F9: variants seen among roughly 807,000 people sequenced by gnomAD.
The protein encoded by F9 is Christmas factor.
In F9, 2 loss-of-function variants were observed where a neutral mutation model predicts 34.1. The observed-to-expected ratio is 0.06, with a 90% CI of 0.02 to 0.18. The LOEUF (loss-of-function observed/expected upper bound fraction) is 0.18. Among genes scored for constraint, F9 ranks in the 10% least tolerant of loss-of-function variants. F9 has a pLI of 1.00. For synonymous variants in F9, 137 were observed against 118.8 expected, an observed-to-expected ratio of 1.15 and a Z score of -1.00; for missense variants, 216 against 345.1, an observed-to-expected ratio of 0.63 and a Z score of 2.96.
chrX:139,561,948 G>A lies in F9; in HGVS notation c.1263G>A (p.Gly421=), dbSNP rs749470340. 2.5e-6 allele frequency: 3 copies of A among 1,211,556 alleles called. No homozygotes were observed. The highest frequency in any genetic ancestry group is 3.5e-5 in the African/African-American group (2 of 57,865). Residue 421 remains glycine, a synonymous_variant, in exon 8 of 8, where the codon GGG becomes GGA. Transcript: ENST00000218099. ...SGGPHVTEVE[G]TSFLTGIISW... ...GACCCCATGTTACTGAAGTGGAAGG[G>A]ACCAGTTTCTTAACTGGAATTATTA...
rs369415275 is a variant in F9 at position 139,536,263 on chromosome X, G to GTA, written c.89-737_89-736dup. 7.1e-3 allele frequency among the ~76,000 whole-genome samples: 465 copies of GTA among 65,165 alleles called. 4 individuals carry two copies. The highest frequency in any genetic ancestry group is 0.023 in the African/African-American group (439 of 19,308). 56.6% of individuals were successfully genotyped at this position (65,165 alleles called of 115,157 possible). A position where few individuals can be genotyped will look rare whatever the true frequency, so the allele number is the denominator to read the frequency against. ...TGTATATATATGTACACACATATAT[G>GTA]TATATATATATGTACACACACACAC... On this transcript the variant is annotated intron_variant, in intron 1 of 7. Coordinates refer to ENST00000218099, the MANE Select transcript of F9 (RefSeq NM_000133.4).
chrX:139,561,835 C>CT lies in F9; in HGVS notation c.1150_1151insT (p.Arg384LeufsTer9). The CT allele has an allele frequency of 8.3e-7, 1 of 1,211,605 alleles. No individual in the cohort carries two copies. Among genetic ancestry groups the CT allele is most frequent in the Non-Finnish European group, 1.1e-6 (1 of 895,498 alleles). On this transcript the variant is annotated frameshift_variant, in exon 8 of 8. Coordinates refer to ENST00000218099, the MANE Select transcript of F9 (RefSeq NM_000133.4). LOFTEE classifies it high-confidence loss of function. ...ACTTGTTGACCGAGCCACATGTCTT[C>CT]GATCTACAAAGTTCACCATCTATAA...
At chrX:139,552,544 T>C (rs4149715) in intron 6 of F9, among the ~76,000 whole-genome samples, 3,510 of 111,803 alleles carry the variant, frequency 0.031, 144 homozygotes, top group African/African-American at 0.11. Flanking sequence ...AGGTAACCAC[T>C]AGCCACATAT....
At chrX:139,536,084 A>T (rs1443849791) in intron 1 of F9, among the ~76,000 whole-genome samples, 1 of 108,509 alleles carries the variant, frequency 9.2e-6, no homozygotes, top group Non-Finnish European at 1.9e-5. Context: ...TCCATCATTG[A>T]CCAAAATGTC....
intron 6 of F9, among the ~76,000 whole-genome samples, chrX:139,556,850 A>C (rs1415369773): frequency 1.8e-5 from 2 of 112,664 alleles, no homozygotes; most frequent in Non-Finnish European, 3.7e-5. Flanking sequence ...CAAGCTGTAC[A>C]TCACAAACAA....
chrX:139,560,992 C>G lies in F9; in HGVS notation c.838+137C>G, dbSNP rs1928087701. ...AGGCAGAAGGGTCATAATTTCAGAA[C>G]CCACGTCGCACCGTCCTCCAAGCAT... On this transcript the variant is annotated intron_variant, in intron 7 of 7. Coordinates refer to ENST00000218099, the MANE Select transcript of F9 (RefSeq NM_000133.4). 4 of 528,661 alleles carry G rather than the reference C, an allele frequency of 7.6e-6. No homozygotes were observed. The East Asian group carries it at 1.1e-4, about 14-fold the overall frequency. 43.6% of individuals were successfully genotyped at this position (528,661 alleles called of 1,213,427 possible). A position where few individuals can be genotyped will look rare whatever the true frequency, so the allele number is the denominator to read the frequency against.
At chrX:139,559,274 G>A (rs1928040904) in intron 6 of F9, among the ~76,000 whole-genome samples, 1 of 112,495 alleles carries the variant, frequency 8.9e-6, no homozygotes, top group African/African-American at 3.2e-5. Context: ...GAGGGAAATG[G>A]CCGGGTGCAG....
rs371373268 is a variant in F9, at chrX:139,537,043, T to G, written c.122T>G (p.Leu41Arg). 2.5e-6 allele frequency: 3 copies of G among 1,209,537 alleles called. No individual in the cohort carries two copies. The African/African-American group carries it at 5.2e-5, about 21-fold the overall frequency. Residue 41 changes from leucine to arginine, a missense_variant, in exon 2 of 8, where the codon CTG becomes CGG. Transcript: ENST00000218099. ...FLDHENANKI[L>R]NRPKRYNSGK... ...GATCATGAAAACGCCAACAAAATTC[T>G]GAATCGGCCAAAGAGGTATAATTCA...
chrX:139,556,966 C>T (rs1569331827), intron 6 of F9, among the ~76,000 whole-genome samples: 1 of 112,123 alleles, frequency 8.9e-6, no homozygotes. Flanking sequence ...GTAACGGTTA[C>T]GTTGGAGTTA....
chrX:139,545,795 T>C (rs1287520337), intron 4 of F9, among the ~76,000 whole-genome samples: 1 of 111,169 alleles, frequency 9.0e-6, no homozygotes, highest in African/African-American at 3.3e-5. Context: ...TAATGACATA[T>C]TGGTCTTTGG....
chrX:139,537,411 G>A, intron 3 of F9, 25 bp downstream of exon 3: 1 of 1,121,712 alleles, frequency 8.9e-7, no homozygotes, highest in South Asian at 1.8e-5. Context: ...TTATCCTCTA[G>A]CTAATATATG....
intron 4 of F9, among the ~76,000 whole-genome samples, chrX:139,542,215 T>C (rs990384737): frequency 8.9e-6 from 1 of 112,037 alleles, no homozygotes; most frequent in African/African-American, 3.2e-5. Flanking sequence ...TGTTCAGAAA[T>C]CCTTTCAGTA....
intron 6 of F9, 31 bp from the exon 7 acceptor site, chrX:139,560,710 T>C: frequency 2.0e-6 from 2 of 979,906 alleles, no homozygotes; most frequent in Non-Finnish European, 2.9e-6. Flanking sequence ...AAATGTATTA[T>C]GCAGTAAGAG....
chrX:139,535,961 T>C (rs192033687), intron 1 of F9, among the ~76,000 whole-genome samples: 1 of 110,334 alleles, frequency 9.1e-6, no homozygotes, highest in East Asian at 2.9e-4. Flanking sequence ...AGCATGTGAC[T>C]GTACTGAACA....
intron 1 of F9, among the ~76,000 whole-genome samples, chrX:139,533,706 G>A (rs1177747642): frequency 9.0e-6 from 1 of 111,641 alleles, no homozygotes; most frequent in African/African-American, 3.3e-5. Context: ...ACAGGGTCAG[G>A]GCCGGACTAG....
At position 139,544,378 on chromosome X, in the gene F9, G is replaced by A. The variant is rs571536957; in HGVS notation, c.391+3189G>A. On this transcript the variant is annotated intron_variant, in intron 4 of 7. Transcript: ENST00000218099. ...AATTAATTAATTAATTAATTAATAG[G>A]ACCAAGTGCCATCTTTTTGGATCAT... is the stretch of plus-strand genomic sequence containing the variant. Among the ~76,000 whole-genome samples the A allele has an allele frequency of 7.3e-5, 8 of 109,488 alleles. No homozygotes were observed. In the South Asian group the frequency reaches 2.7e-3, roughly 38 times the overall value.
At chrX:139,537,680 T>C (rs1274946377) in intron 3 of F9, among the ~76,000 whole-genome samples, 3 of 111,639 alleles carry the variant, frequency 2.7e-5, no homozygotes, top group Non-Finnish European at 3.8e-5. Context: ...AATGAAAGTT[T>C]GCATTCCTCA....
intron 6 of F9, among the ~76,000 whole-genome samples, chrX:139,553,620 T>C (rs1013003169): frequency 2.7e-5 from 3 of 109,623 alleles, no homozygotes; most frequent in African/African-American, 1.0e-4. Context: ...AAAACCATCC[T>C]GGCTAACATA....
At chrX:139,552,732 T>C (rs758141722) in intron 6 of F9, among the ~76,000 whole-genome samples, 2 of 112,663 alleles carry the variant, frequency 1.8e-5, no homozygotes, top group African/African-American at 3.2e-5. Flanking sequence ...ATAGCACTTA[T>C]AATAGTTTAG....
Sources: gnomAD v4.1 joint callset for allele counts (sites outside exome capture counted in the v4.1 genomes callset) on GRCh38, gnomAD v4.1.1 for gene constraint, MANE v1.5 for transcripts, NCBI Gene and HGNC (gene_info 2026-07-23, HGNC 2026-07-21) for gene names.